The following EXOC4 variants were observed in gnomAD, a reference collection of about 807,000 sequenced individuals.
The protein encoded by EXOC4 is SEC8-like 1.
A neutral mutation model predicts 107.2 loss-of-function variants in EXOC4; 71 were observed. The ratio of observed to expected loss-of-function variants is 0.66; its 90% CI spans 0.55 to 0.81. The LOEUF is 0.81. Among genes scored for constraint, EXOC4 ranks in the 30% least tolerant of loss-of-function variants. The probability of loss-of-function intolerance (pLI) is 0.00; values close to 1 mark genes in which losing one functional copy is unlikely to be tolerated. For synonymous variants in EXOC4, 456 were observed against 441.2 expected (o/e 1.03, Z -0.42); for missense variants, 1,108 against 1,189.6 (o/e 0.93, Z 1.01).
At chr7:133,465,183 G>A (rs1798698747) in intron 7 of EXOC4, among the ~76,000 whole-genome samples, 2 of 151,986 alleles carry the variant, frequency 1.3e-5, no homozygotes, top group South Asian at 4.2e-4. Flanking sequence ...AAAGAAAAGG[G>A]GAGAAAGCAA....
At chr7:133,502,803 C>T (rs1339620522) in intron 9 of EXOC4, among the ~76,000 whole-genome samples, 1 of 152,126 alleles carries the variant, frequency 6.6e-6, no homozygotes, top group Admixed American at 6.6e-5. Flanking sequence ...CATCTTGTCT[C>T]CTCTTAATTT....
At chr7:133,904,235 G>A (rs1486145082) in intron 12 of EXOC4, among the ~76,000 whole-genome samples, 1 of 152,136 alleles carries the variant, frequency 6.6e-6, no homozygotes, top group Non-Finnish European at 1.5e-5. Flanking sequence ...TGAAAATTTG[G>A]TGATGTAAGA....
intron 14 of EXOC4, among the ~76,000 whole-genome samples, chr7:133,948,458 T>C (rs1460838508): frequency 6.6e-6 from 1 of 152,190 alleles, no homozygotes; most frequent in Non-Finnish European, 1.5e-5. Context: ...CTTGGTGGGA[T>C]TGATTTTAGA....
At chr7:133,330,635 C>A (rs1020424552) in intron 5 of EXOC4, among the ~76,000 whole-genome samples, 2 of 139,426 alleles carry the variant, frequency 1.4e-5, no homozygotes, top group African/African-American at 2.5e-5. Flanking sequence ...GTGCACTGTT[C>A]CTCACGGCAC....
chr7:133,769,945 G>C (rs1357205042), intron 10 of EXOC4, among the ~76,000 whole-genome samples: 2 of 151,776 alleles, frequency 1.3e-5, no homozygotes, highest in African/African-American at 4.8e-5. Context: ...CTCATCTGCT[G>C]TTTTTAAATG....
At chr7:133,862,623 G>A (rs1798559406) in intron 11 of EXOC4, among the ~76,000 whole-genome samples, 1 of 152,158 alleles carries the variant, frequency 6.6e-6, no homozygotes, top group African/African-American at 2.4e-5. Context: ...CAAAATCATT[G>A]CTTTCCTGCT....
intron 17 of EXOC4, among the ~76,000 whole-genome samples, chr7:134,050,853 A>G (rs1795768595): frequency 6.6e-6 from 1 of 152,170 alleles, no homozygotes; most frequent in African/African-American, 2.4e-5. Flanking sequence ...AATACAGAAT[A>G]GTGATATGAT....
intron 5 of EXOC4, among the ~76,000 whole-genome samples, chr7:133,327,695 AC>A (rs1404405749): frequency 6.6e-6 from 1 of 151,940 alleles, no homozygotes; most frequent in Admixed American, 6.6e-5. Context: ...TTTGTTATTT[AC>A]CCAGTAGTTA....
intron 6 of EXOC4, among the ~76,000 whole-genome samples, chr7:133,365,078 A>G (rs545955602): frequency 1.3e-5 from 2 of 152,162 alleles, no homozygotes; most frequent in Non-Finnish European, 2.9e-5. Context: ...ATAGCTGGAC[A>G]TGTTGAGAAG....
intron 9 of EXOC4, among the ~76,000 whole-genome samples, chr7:133,496,302 T>A (rs186893140): frequency 6.6e-6 from 1 of 152,182 alleles, no homozygotes; most frequent in Admixed American, 6.5e-5. Context: ...AACACAGGTG[T>A]GCACCACCGC....
At chr7:133,486,662 A>G (rs1369063035) in intron 9 of EXOC4, among the ~76,000 whole-genome samples, 2 of 152,152 alleles carry the variant, frequency 1.3e-5, no homozygotes, top group Non-Finnish European at 2.9e-5. Flanking sequence ...GCATATAATT[A>G]TTACAAAATA....
chr7:133,839,231 T>G (rs1797977826), intron 11 of EXOC4, among the ~76,000 whole-genome samples: 1 of 152,236 alleles, frequency 6.6e-6, no homozygotes, highest in Non-Finnish European at 1.5e-5. Context: ...TATATTGCTG[T>G]GTGCCTGCCT....
intron 9 of EXOC4, among the ~76,000 whole-genome samples, chr7:133,575,729 C>G (rs1199007578): frequency 6.6e-6 from 1 of 152,122 alleles, no homozygotes; most frequent in Non-Finnish European, 1.5e-5. Flanking sequence ...TCCCTGATGC[C>G]CAGTGGTATA....
chr7:134,033,056 A>G (rs917811457), intron 17 of EXOC4, among the ~76,000 whole-genome samples: 2 of 152,232 alleles, frequency 1.3e-5, no homozygotes, highest in East Asian at 3.9e-4. Context: ...AATGACAGCA[A>G]CTTTCTGGAT....
At chr7:134,042,881 G>T (rs1397130622) in intron 17 of EXOC4, among the ~76,000 whole-genome samples, 1 of 152,176 alleles carries the variant, frequency 6.6e-6, no homozygotes, top group East Asian at 1.9e-4. Context: ...TAGTAAACAT[G>T]CAAAAATTAG....
At position 133,480,132 on chromosome 7, in the gene EXOC4, C is replaced by T. The variant is rs1292537093; in HGVS notation, c.1411C>T (p.Leu471=). The T allele has an allele frequency of 2.5e-6, 4 of 1,613,762 alleles. No individual in the cohort carries two copies. The highest frequency in any genetic ancestry group is 3.4e-6 in the Non-Finnish European group (4 of 1,179,806). ...GGAGCTCTATAGTCGGAGTGGAGAA[C>T]TGCAAGGTGAGTGATTGAGCTTCTC... The part of the protein sequence containing the change: ...RRELYSRSGE[L]QGGPDDNLIE... Residue 471 remains leucine, a synonymous_variant, in exon 9 of 18, where the codon CTG becomes TTG. Transcript: ENST00000253861.
chr7:133,957,737 A>C (rs895328627), intron 14 of EXOC4, among the ~76,000 whole-genome samples: 2 of 152,250 alleles, frequency 1.3e-5, no homozygotes, highest in African/African-American at 4.8e-5. Context: ...ACATCTAAAC[A>C]GTTGAGAAAT....
chr7:133,363,609 T>TAAAAA, intron 6 of EXOC4, among the ~76,000 whole-genome samples: 1 of 142,542 alleles, frequency 7.0e-6, no homozygotes, highest in Non-Finnish European at 1.5e-5. Flanking sequence ...GTGGCAAAGT[T>TAAAAA]AAAAAAAAAA....
chr7:133,670,672 A>G (rs561487400), intron 10 of EXOC4, among the ~76,000 whole-genome samples: 8 of 152,184 alleles, frequency 5.3e-5, no homozygotes. Flanking sequence ...TATATTTTCT[A>G]TGACAGTATT....
Sources: gnomAD v4.1 joint callset for allele counts (sites outside exome capture counted in the v4.1 genomes callset) on GRCh38, gnomAD v4.1.1 for gene constraint, MANE v1.5 for transcripts, NCBI Gene and HGNC (gene_info 2026-07-23, HGNC 2026-07-21) for gene names.